Variants in MECOM observed in about 807,000 individuals in gnomAD.
MECOM encodes the protein MDS1 and EVI1 complex locus, also known as histone-lysine N-methyltransferase MECOM.
Under a neutral mutation model 116.3 loss-of-function variants are expected in MECOM, and 13 were observed. The observed-to-expected ratio is 0.11, with a 90% CI of 0.07 to 0.18. The LOEUF (loss-of-function observed/expected upper bound fraction) is 0.18. Ranked by LOEUF, MECOM falls within the 10% of genes least tolerant of loss-of-function variation. MECOM has a pLI of 1.00. For missense variants in MECOM, 1,299 were observed against 1,509.0 expected, an observed-to-expected ratio of 0.86 and a Z score of 2.31; for synonymous variants, 528 against 535.2, an observed-to-expected ratio of 0.99 and a Z score of 0.19.
chr3:169,555,609 G>C (rs1469148231), intron 1 of MECOM, among the ~76,000 whole-genome samples: 2 of 152,202 alleles, frequency 1.3e-5, no homozygotes, highest in Non-Finnish European at 2.9e-5. Context: ...AGAAAGGCCT[G>C]AACATCTTGA....
intron 1 of MECOM, among the ~76,000 whole-genome samples, chr3:169,402,211 T>A (rs1473398834): frequency 6.6e-6 from 1 of 152,282 alleles, no homozygotes; most frequent in East Asian, 1.9e-4. Context: ...TTATCAGTGA[T>A]AGGTAAAGTT....
chr3:169,320,274 T>C (rs1028729625), intron 2 of MECOM, among the ~76,000 whole-genome samples: 20 of 152,126 alleles, frequency 1.3e-4, no homozygotes, highest in African/African-American at 4.1e-4. Context: ...CCAGATGTTT[T>C]TGAGGGTAAA....
At chr3:169,532,935 G>A (rs1239934898) in intron 1 of MECOM, among the ~76,000 whole-genome samples, 9 of 152,190 alleles carry the variant, frequency 5.9e-5, no homozygotes, top group South Asian at 4.2e-4. Flanking sequence ...CAGAAAATAC[G>A]TTAACCCTAT....
chr3:169,479,831 A>C (rs1751028217), intron 1 of MECOM, among the ~76,000 whole-genome samples: 1 of 152,198 alleles, frequency 6.6e-6, no homozygotes, highest in African/African-American at 2.4e-5. Flanking sequence ...AATATAATTG[A>C]GCACATACTC....
At chr3:169,544,764 A>T (rs1310187589) in intron 1 of MECOM, among the ~76,000 whole-genome samples, 1 of 152,166 alleles carries the variant, frequency 6.6e-6, no homozygotes, top group East Asian at 1.9e-4. Flanking sequence ...GCAAACTAAC[A>T]CAGGAACAGA....
At chr3:169,394,929 A>G (rs1004287716) in intron 1 of MECOM, among the ~76,000 whole-genome samples, 2 of 152,214 alleles carry the variant, frequency 1.3e-5, no homozygotes, top group Admixed American at 6.5e-5. Flanking sequence ...TAAAGGGTCA[A>G]ATGAAAATGC....
intron 1 of MECOM, among the ~76,000 whole-genome samples, chr3:169,504,246 G>A (rs1528290): frequency 6.7e-6 from 1 of 149,738 alleles, no homozygotes; most frequent in African/African-American, 2.5e-5. Flanking sequence ...CTTGCCATTT[G>A]GTGGGGGTGG....
chr3:169,642,597 G>A (rs929376697), intron 1 of MECOM, among the ~76,000 whole-genome samples: 1 of 151,858 alleles, frequency 6.6e-6, no homozygotes, highest in South Asian at 2.1e-4. Flanking sequence ...GCAAAAATCT[G>A]ACTGCTCGGA....
At chr3:169,131,357 A>G (rs1458542432) in intron 4 of MECOM, 72 bp downstream of exon 4, 4 of 1,271,100 alleles carry the variant, frequency 3.1e-6, no homozygotes, top group Middle Eastern at 1.9e-4. Context: ...ACCAGGAACA[A>G]TGGATGCTTT....
intron 2 of MECOM, among the ~76,000 whole-genome samples, chr3:169,288,609 C>T (rs931714764): frequency 6.6e-6 from 1 of 152,026 alleles, no homozygotes; most frequent in Non-Finnish European, 1.5e-5. Context: ...ATCACATTCA[C>T]GCTTATTGGG....
intron 5 of MECOM, among the ~76,000 whole-genome samples, chr3:169,123,021 A>C (rs374256347): frequency 2.6e-5 from 4 of 152,158 alleles, no homozygotes; most frequent in African/African-American, 9.6e-5. Context: ...ACAACAAGCT[A>C]TTTGTCCAGT....
chr3:169,366,097 G>A (rs1729118059), intron 2 of MECOM, among the ~76,000 whole-genome samples: 1 of 151,942 alleles, frequency 6.6e-6, no homozygotes, highest in Non-Finnish European at 1.5e-5. Context: ...TGTTACTGTA[G>A]CTAATCTCTC....
chr3:169,218,006 A>T (rs939260547), intron 2 of MECOM, among the ~76,000 whole-genome samples: 1 of 151,852 alleles, frequency 6.6e-6, no homozygotes, highest in African/African-American at 2.4e-5. Context: ...AAATATTTTA[A>T]TAGCTCTATA....
At chr3:169,385,798 T>C (rs1047424639) in intron 1 of MECOM, among the ~76,000 whole-genome samples, 3 of 152,192 alleles carry the variant, frequency 2.0e-5, no homozygotes, top group Admixed American at 1.3e-4. Context: ...ATAACTATAG[T>C]TAATTAAAGC....
At chr3:169,120,763 C>T in intron 7 of MECOM, 1 of 225,998 alleles carries the variant, frequency 4.4e-6, no homozygotes, top group Non-Finnish European at 8.6e-6. Context: ...ATCTGATTGT[C>T]CTGATTAAAT....
intron 2 of MECOM, among the ~76,000 whole-genome samples, chr3:169,313,254 T>C (rs1719129942): frequency 6.6e-6 from 1 of 152,276 alleles, no homozygotes. Context: ...AGAGAATCTC[T>C]TTGATGATGT....
At chr3:169,146,218 ATCCCCAC>A in intron 2 of MECOM, 1 of 1,126,434 alleles carries the variant, frequency 8.9e-7, no homozygotes, top group South Asian at 2.9e-5. Context: ...AAAAAAAAAA[ATCCCCAC>A]AATCTAGCCA....
chr3:169,365,309 T>A (rs1406548528), intron 2 of MECOM, among the ~76,000 whole-genome samples: 1 of 152,090 alleles, frequency 6.6e-6, no homozygotes, highest in African/African-American at 2.4e-5. Context: ...TTTTAACAGT[T>A]CATATGATGT....
chr3:169,149,971 GTGTGTGTCTGTC>G (rs1305862374), intron 2 of MECOM, among the ~76,000 whole-genome samples: 37 of 111,682 alleles, frequency 3.3e-4, no homozygotes, highest in African/African-American at 1.1e-3. Flanking sequence ...GTGTGTGTGT[GTGTGTGTCTGTC>G]TGTCTGTCTG....
Sources: gnomAD v4.1 joint callset for allele counts (sites outside exome capture counted in the v4.1 genomes callset) on GRCh38, gnomAD v4.1.1 for gene constraint, MANE v1.5 for transcripts, NCBI Gene and HGNC (gene_info 2026-07-23, HGNC 2026-07-21) for gene names.